SLC36A2: variants seen among roughly 807,000 people sequenced by gnomAD.
SLC36A2 encodes proton-coupled amino acid transporter 2.
In SLC36A2, 39 loss-of-function variants were observed where a neutral mutation model predicts 42.7. That is an observed-to-expected ratio of 0.91 (90% CI 0.71 to 1.19). The LOEUF (loss-of-function observed/expected upper bound fraction) is 1.19. Ranked by LOEUF, SLC36A2 falls within the 50% of genes most tolerant of loss-of-function variation. SLC36A2 has a pLI of 0.00. For missense variants in SLC36A2, 590 were observed against 613.7 expected (o/e 0.96, Z 0.41); for synonymous variants, 237 against 240.8 (o/e 0.98, Z 0.15).
At chr5:151,319,231 A>T (rs1431980859) in intron 9 of SLC36A2, 2 of 543,510 alleles carry the variant, frequency 3.7e-6, no homozygotes, top group Non-Finnish European at 2.3e-6. Flanking sequence ...TGCATGAAGA[A>T]GTGTAGTGTA....
At chr5:151,317,443 T>A (rs955969694) in intron 9 of SLC36A2, among the ~76,000 whole-genome samples, 2 of 146,516 alleles carry the variant, frequency 1.4e-5, no homozygotes, top group African/African-American at 2.6e-5. Flanking sequence ...CAAAGTGAGG[T>A]CCTATCTCAT....
At position 151,342,782 on chromosome 5, in the gene SLC36A2, A is replaced by C. The variant is rs573738265; in HGVS notation, c.440+106T>G. ...ACCCCTTCCATGTACAACATCTAAC[A>C]TAGAAGTGCCAAACAAACCACCTTT... is the stretch of plus-strand genomic sequence containing the variant. On this transcript the variant is annotated intron_variant, in intron 4 of 9. Transcript: ENST00000335244. The C allele has an allele frequency of 5.5e-6, 5 of 904,506 alleles. No individual in the cohort carries two copies. In the South Asian group the frequency reaches 6.9e-5, roughly 12 times the overall value. 56.0% of individuals were successfully genotyped at this position (904,506 alleles called of 1,614,324 possible).
intron 4 of SLC36A2, among the ~76,000 whole-genome samples, chr5:151,341,184 C>T (rs988841102): frequency 6.6e-6 from 1 of 152,020 alleles, no homozygotes; most frequent in East Asian, 1.9e-4. Context: ...AAAGAAGATC[C>T]CTAAATGGAG....
At chr5:151,330,756 C>T (rs1316309242) in intron 7 of SLC36A2, among the ~76,000 whole-genome samples, 1 of 152,044 alleles carries the variant, frequency 6.6e-6, no homozygotes, top group Non-Finnish European at 1.5e-5. Context: ...TAAGGCAATA[C>T]AACATAAAGG....
intron 8 of SLC36A2, among the ~76,000 whole-genome samples, chr5:151,324,653 T>C (rs1175956312): frequency 6.6e-6 from 1 of 151,918 alleles, no homozygotes; most frequent in Admixed American, 6.6e-5. Context: ...TTTTAAGAGA[T>C]AGGGTCTCAC....
chr5:151,335,224 A>T, intron 6 of SLC36A2, 105 bp downstream of exon 6: 10 of 793,824 alleles, frequency 1.3e-5, no homozygotes, highest in Non-Finnish European at 1.9e-5. Context: ...CTCTCATAAC[A>T]CTCTTACCCA....
chr5:151,337,380 C>G (rs879916632), intron 5 of SLC36A2, among the ~76,000 whole-genome samples: 5 of 152,154 alleles, frequency 3.3e-5, no homozygotes, highest in African/African-American at 1.2e-4. Context: ...TAGTTTGCAC[C>G]CTGACCTCAC....
Position 151,317,101 on chromosome 5 carries a change from G to A in SLC36A2, c.1181-13C>T, listed in dbSNP as rs1755521797. ...ATGGCCAGGAGGCCTGCAGGGAGAGGATAGTGGAGAGATGGAGCATTCCAG... is the reference window on the plus strand; with the variant it reads ...ATGGCCAGGAGGCCTGCAGGGAGAGAATAGTGGAGAGATGGAGCATTCCAG... On this transcript the variant is annotated splice_polypyrimidine_tract_variant and intron_variant, in intron 9 of 9. Coordinates refer to ENST00000335244, the MANE Select transcript of SLC36A2 (RefSeq NM_181776.3). 6.2e-7 allele frequency: 1 copy of A among 1,613,552 alleles called. No individual in the cohort carries two copies.
intron 5 of SLC36A2, among the ~76,000 whole-genome samples, chr5:151,337,205 G>T (rs1386217245): frequency 6.6e-6 from 1 of 152,060 alleles, no homozygotes; most frequent in African/African-American, 2.4e-5. Context: ...TGAACCAATT[G>T]TATTGCTTCT....
At position 151,315,483 on chromosome 5, in the gene SLC36A2, C is replaced by T. The variant is rs936118218; in HGVS notation, c.*1334G>A. 6.6e-6 allele frequency: 1 copy of T among 151,970 alleles called. No homozygotes were observed. Among genetic ancestry groups the T allele is most frequent in the South Asian group, 2.1e-4 (1 of 4,820 alleles). The allele number at this position is 151,970 out of a possible 1,614,324, so 9.4% of individuals were successfully genotyped here. A position where few individuals can be genotyped will look rare whatever the true frequency, so the allele number is the denominator to read the frequency against. On this transcript the variant is annotated 3_prime_UTR_variant, in exon 10 of 10. Transcript: ENST00000335244. ...ATCTCTACGAAAAACAAAAATTAGC[C>T]AGGCATAGTGGCAGGCACTTGTAAT... is the stretch of plus-strand genomic sequence containing the variant.
chr5:151,343,693 A>C, intron 2 of SLC36A2, 95 bp from the exon 3 acceptor site: 1 of 1,067,242 alleles, frequency 9.4e-7, no homozygotes, highest in Non-Finnish European at 1.4e-6. Context: ...GATATCATGC[A>C]GAACTCAAAG....
At chr5:151,335,650 G>GGAATTT in intron 5 of SLC36A2, 103 bp from the exon 6 acceptor site, 5 of 866,300 alleles carry the variant, frequency 5.8e-6, no homozygotes, top group Non-Finnish European at 5.9e-6. Flanking sequence ...ACAGTGAATG[G>GGAATTT]GAGTGTCCCA....
intron 9 of SLC36A2, among the ~76,000 whole-genome samples, chr5:151,318,287 G>A (rs568148527): frequency 1.3e-5 from 2 of 151,592 alleles, no homozygotes; most frequent in African/African-American, 2.4e-5. Context: ...AACAGTGCTG[G>A]GAACCATTCA....
rs2431079 is a variant in SLC36A2 at position 151,343,114 on chromosome 5, G to A, written c.345-131C>T. The A allele has an allele frequency of 0.36, 273,355 of 753,020 alleles. 54,268 individuals are homozygous for A. The highest frequency in any genetic ancestry group is 0.58 in the Admixed American group (28,725 of 49,862). 46.6% of individuals were successfully genotyped at this position (753,020 alleles called of 1,614,324 possible). Reference sequence around the variant, plus strand: ...GAAAGAACACAGGGGCAGAGACCTCGGGCTTTGACACTCAGCAGTAATTCC... The same window carrying A: ...GAAAGAACACAGGGGCAGAGACCTCAGGCTTTGACACTCAGCAGTAATTCC... On this transcript the variant is annotated intron_variant, in intron 3 of 9. Coordinates refer to ENST00000335244, the MANE Select transcript of SLC36A2 (RefSeq NM_181776.3).
chr5:151,332,465 A>G, intron 7 of SLC36A2: 1 of 455,824 alleles, frequency 2.2e-6, no homozygotes, highest in South Asian at 1.6e-5. Context: ...ACTAGAAACA[A>G]CCCAAATGTT....
At chr5:151,317,696 A>C (rs576751643) in intron 9 of SLC36A2, among the ~76,000 whole-genome samples, 23 of 152,278 alleles carry the variant, frequency 1.5e-4, no homozygotes, top group Admixed American at 4.6e-4. Flanking sequence ...CCATCTCAAA[A>C]CAACAATAAC....
chr5:151,328,100 G>A (rs796347357), intron 7 of SLC36A2, among the ~76,000 whole-genome samples: 20 of 152,354 alleles, frequency 1.3e-4, no homozygotes, highest in African/African-American at 4.3e-4. Context: ...CAAGATTCCA[G>A]CACATTCTGC....
At position 151,339,091 on chromosome 5, in the gene SLC36A2, T is replaced by C. The variant is rs1371146665; in HGVS notation, c.494A>G (p.Tyr165Cys). ...TAAATTATCAGCCAAAAACACAATG[T>C]ACACACAGCAGAAGCCAAGTTGGGT... ...IITQLGFCCV[Y>C]IVFLADNLKQ... is the part of the protein sequence containing the mutation. The change falls in exon 5 of 10, where the codon TAC becomes TGC. Residue 165 changes from tyrosine (Y) to cysteine (C), a missense_variant. By Grantham distance (194) the Tyr-to-Cys change is radical. Coordinates refer to ENST00000335244, the MANE Select transcript of SLC36A2 (RefSeq NM_181776.3). The C allele has an allele frequency of 6.2e-7, 1 of 1,610,504 alleles. No homozygotes were observed. The highest frequency in any genetic ancestry group is 8.5e-7 in the Non-Finnish European group (1 of 1,177,540).
At chr5:151,320,449 A>G (rs1755653643) in intron 9 of SLC36A2, among the ~76,000 whole-genome samples, 1 of 152,202 alleles carries the variant, frequency 6.6e-6, no homozygotes. Flanking sequence ...GATAAAGAAA[A>G]TGTGGTTTCT....
Sources: allele counts gnomAD v4.1 joint callset (sites outside exome capture counted in the v4.1 genomes callset), GRCh38; gene constraint gnomAD v4.1.1; transcripts MANE v1.5; gene names NCBI Gene and HGNC (gene_info 2026-07-23, HGNC 2026-07-21).